ZNF469: variants seen among roughly 807,000 people sequenced by gnomAD.
The protein encoded by ZNF469 is zinc finger protein 469.
ZNF469 carries 1 observed loss-of-function variant against 1.0 expected under a neutral mutation model. That is an observed-to-expected ratio of 1.00 (90% CI 0.35 to 4.73). The LOEUF is 4.73. Among genes scored for constraint, ZNF469 ranks in the 30% most tolerant of loss-of-function variants. The probability of loss-of-function intolerance (pLI) is 0.16; values close to 1 mark genes in which losing one functional copy is unlikely to be tolerated. For synonymous variants in ZNF469, 2,703 were observed against 2,363.4 expected (o/e 1.14, Z -4.17); for missense variants, 6,100 against 5,356.3 (o/e 1.14, Z -4.33).
chr16:88,133,542 A>C, the ZNF469 span, among the ~76,000 whole-genome samples: 1 of 152,198 alleles, frequency 6.6e-6, no homozygotes, highest in East Asian at 1.9e-4. Context: ...TATTATTAAA[A>C]ATAAATAAAA....
chr16:88,106,252 C>G, the ZNF469 span, among the ~76,000 whole-genome samples: 1 of 152,204 alleles, frequency 6.6e-6, no homozygotes. Context: ...GACGGCCCCT[C>G]CTCTTCCTCC....
chr16:88,307,988 A>G, the ZNF469 span, among the ~76,000 whole-genome samples: 1 of 152,170 alleles, frequency 6.6e-6, no homozygotes, highest in Non-Finnish European at 1.5e-5. Flanking sequence ...TTAGGTTGCT[A>G]CTACTTTTGG....
At chr16:88,135,749 T>TG in the ZNF469 span, among the ~76,000 whole-genome samples, 1 of 14,464 alleles carries the variant, frequency 6.9e-5, no homozygotes, top group Non-Finnish European at 1.4e-4. Context: ...GCTGGCCATG[T>TG]TTTTTTTTTT....
the ZNF469 span, among the ~76,000 whole-genome samples, chr16:88,299,243 C>T: frequency 9.0e-4 from 120 of 133,470 alleles, 1 homozygote; most frequent in Middle Eastern, 4.1e-3. Context: ...AGGCAGCTTG[C>T]GGCGGGGTAG....
chr16:88,395,285 GGGTGGATGGATT>G, intron 1 of ZNF469, among the ~76,000 whole-genome samples: 2 of 142,204 alleles, frequency 1.4e-5, no homozygotes, highest in South Asian at 2.3e-4. Context: ...ATGGATGGAT[GGGTGGATGGATT>G]GATGGGTTGG....
the ZNF469 span, among the ~76,000 whole-genome samples, chr16:88,210,074 C>T: frequency 1.0e-3 from 154 of 152,352 alleles, no homozygotes; most frequent in African/African-American, 3.5e-3. Flanking sequence ...GACGCTGCTA[C>T]ATTGTTGCAG....
chr16:88,282,848 C>T, the ZNF469 span, among the ~76,000 whole-genome samples: 42 of 152,328 alleles, frequency 2.8e-4, no homozygotes, highest in East Asian at 7.1e-3. Context: ...AAGCAGCTGT[C>T]TGGGCTTGTT....
At chr16:88,309,003 G>C in the ZNF469 span, among the ~76,000 whole-genome samples, 1 of 152,138 alleles carries the variant, frequency 6.6e-6, no homozygotes, top group Admixed American at 6.5e-5. Flanking sequence ...ACCGTGCAAA[G>C]GGCTCCCAAC....
chr16:88,436,869 C>G lies in ZNF469; in HGVS notation c.9399C>G (p.His3133Gln). 1 of 1,518,464 alleles carries G rather than the reference C, an allele frequency of 6.6e-7. No homozygotes were observed. Among genetic ancestry groups the G allele is most frequent in the Non-Finnish European group, 8.8e-7 (1 of 1,135,304 alleles). 94.1% of individuals were successfully genotyped at this position (1,518,464 alleles called of 1,614,324 possible). A position where few individuals can be genotyped will look rare whatever the true frequency, so the allele number is the denominator to read the frequency against. ...GCAGCCTGGGCGAGCTGGACCTGCACAAGCTGGCCCACACGCCCGCGCCGC... is the reference window on the plus strand; with the variant it reads ...GCAGCCTGGGCGAGCTGGACCTGCAGAAGCTGGCCCACACGCCCGCGCCGC... Reference protein sequence around the residue: ...RFRSLGELDLHKLAHTPAPPP... With the variant: ...RFRSLGELDLQKLAHTPAPPP... The change falls in exon 3 of 3, where the codon CAC (histidine) becomes CAG (glutamine). Residue 3133 changes from histidine (H) to glutamine (Q), a missense_variant. Transcript: ENST00000565624.
chr16:88,289,992 C>T, the ZNF469 span, among the ~76,000 whole-genome samples: 2 of 152,180 alleles, frequency 1.3e-5, no homozygotes, highest in African/African-American at 2.4e-5. Context: ...ACACAGGAGA[C>T]ACTCTGTCTG....
At chr16:88,263,449 T>C in the ZNF469 span, among the ~76,000 whole-genome samples, 3 of 151,870 alleles carry the variant, frequency 2.0e-5, no homozygotes, top group Non-Finnish European at 4.4e-5. Flanking sequence ...CGGGAAGAGG[T>C]CACCCAGCAG....
At chr16:88,255,387 A>G in the ZNF469 span, among the ~76,000 whole-genome samples, 1 of 152,252 alleles carries the variant, frequency 6.6e-6, no homozygotes, top group Non-Finnish European at 1.5e-5. Context: ...ATCTCATATC[A>G]TCCCAACACA....
At chr16:88,244,159 G>T in the ZNF469 span, among the ~76,000 whole-genome samples, 1 of 148,376 alleles carries the variant, frequency 6.7e-6, no homozygotes, top group African/African-American at 2.5e-5. Context: ...ATGGGTGGAT[G>T]TGTGGATGGA....
At chr16:88,131,756 T>C in the ZNF469 span, among the ~76,000 whole-genome samples, 2 of 152,252 alleles carry the variant, frequency 1.3e-5, no homozygotes, top group Non-Finnish European at 2.9e-5. Flanking sequence ...GTGGACACTC[T>C]GTCCAGGGAT....
At chr16:88,203,834 T>C in the ZNF469 span, among the ~76,000 whole-genome samples, 1 of 152,208 alleles carries the variant, frequency 6.6e-6, no homozygotes, top group Middle Eastern at 3.4e-3. Flanking sequence ...CTTGACTAAT[T>C]ACATCTGCAA....
Position 88,429,372 on chromosome 16 carries a change from C to T in ZNF469, c.1902C>T (p.Phe634=). ...CCGGCCCCCTCGGGCCCTCGGCCTT[C>T]TTCCACCCACCCACTCACCCCCAGG... The part of the protein sequence containing the change: ...QLPGPLGPSA[F]FHPPTHPQET... The change falls in exon 3 of 3, where the codon TTC becomes TTT. Residue 634 remains phenylalanine, a synonymous_variant. Transcript: ENST00000565624. 6.5e-7 allele frequency: 1 copy of T among 1,549,824 alleles called. No homozygotes were observed. The highest frequency in any genetic ancestry group is 8.7e-7 in the Non-Finnish European group (1 of 1,146,728).
the ZNF469 span, among the ~76,000 whole-genome samples, chr16:88,181,356 C>T: frequency 6.6e-6 from 1 of 152,206 alleles, no homozygotes; most frequent in African/African-American, 2.4e-5. Context: ...AGGCGTGAGC[C>T]ACCACTCCCG....
rs567876471 is a variant in ZNF469, at chr16:88,398,051, G to C, written c.-192+14797G>C. On this transcript the variant is annotated intron_variant, in intron 1 of 2. Coordinates refer to ENST00000565624, the MANE Select transcript of ZNF469 (RefSeq NM_001367624.2). ...CTCCATTAGCCTCTGGACAGGGCCA[G>C]GTCAGAGAAAGCAAAACAAAGCCCC... 7.1e-4 allele frequency among the ~76,000 whole-genome samples: 108 copies of C among 152,364 alleles called. 2 individuals carry two copies. The South Asian group carries it at 0.021, about 30-fold the overall frequency.
chr16:88,283,431 G>A, the ZNF469 span, among the ~76,000 whole-genome samples: 15 of 152,198 alleles, frequency 9.9e-5, no homozygotes, highest in African/African-American at 3.6e-4. Flanking sequence ...TGAATGAACA[G>A]AGAGGGATGG....
Sources: gnomAD v4.1 joint callset for allele counts (sites outside exome capture counted in the v4.1 genomes callset) on GRCh38, gnomAD v4.1.1 for gene constraint, MANE v1.5 for transcripts, NCBI Gene and HGNC (gene_info 2026-07-23, HGNC 2026-07-21) for gene names.